Variants in AGAP1 observed in about 807,000 individuals in gnomAD.
AGAP1 encodes the protein ArfGAP with GTPase domain, ankyrin repeat and PH domain 1.
A neutral mutation model predicts 105.3 loss-of-function variants in AGAP1; 29 were observed. The ratio of observed to expected loss-of-function variants is 0.28; its 90% CI spans 0.21 to 0.38. AGAP1 has a LOEUF of 0.38. Among genes scored for constraint, AGAP1 ranks in the 10% least tolerant of loss-of-function variants. AGAP1 has a pLI of 1.00. For missense variants in AGAP1, 998 were observed against 1,165.1 expected (o/e 0.86, Z 2.09); for synonymous variants, 509 against 485.9 (o/e 1.05, Z -0.63).
rs1234752062 is a variant in AGAP1 at position 236,125,925 on chromosome 2, T to C, written c.*1803T>C. The C allele has an allele frequency of 1.3e-5, 2 of 152,128 alleles. No homozygotes were observed. Among genetic ancestry groups the C allele is most frequent in the African/African-American group, 4.8e-5 (2 of 41,366 alleles). 9.4% of individuals were successfully genotyped at this position (152,128 alleles called of 1,614,324 possible). A position where few individuals can be genotyped will look rare whatever the true frequency, so the allele number is the denominator to read the frequency against. On this transcript the variant is annotated 3_prime_UTR_variant, in exon 18 of 18. Coordinates refer to ENST00000304032, the MANE Select transcript of AGAP1 (RefSeq NM_001037131.3). This position sits in a 1 kb window ranked among gnomAD's most constrained non-coding sequence, Gnocchi z 5.2. ...ATGGAAGATGAGGACACTAGACTCATGTAGCACAGAAACATGAAGCCACAC... is the reference window on the plus strand; with the variant it reads ...ATGGAAGATGAGGACACTAGACTCACGTAGCACAGAAACATGAAGCCACAC...
In AGAP1 at chr2:235,665,731, G is replaced by T. The variant is rs939574058; in HGVS notation, c.164-43448G>T. ...GAGGGGCTCTTGGTGGGCTCCCGGG[G>T]TGGGCATGCTCAGGCCTGGGCAGTA... On this transcript the variant is annotated intron_variant, in intron 1 of 17. Transcript: ENST00000304032. The surrounding 1 kb of genome is among the most constrained non-coding windows in gnomAD (Gnocchi z 5.3). Among the ~76,000 whole-genome samples, 5 of 152,122 alleles carry T rather than the reference G, an allele frequency of 3.3e-5. No individual in the cohort carries two copies. Among genetic ancestry groups the T allele is most frequent in the Non-Finnish European group, 7.4e-5 (5 of 68,016 alleles).
At chr2:236,069,383 A>G (rs1358929180) in intron 16 of AGAP1, among the ~76,000 whole-genome samples, 2 of 152,196 alleles carry the variant, frequency 1.3e-5, no homozygotes, top group Non-Finnish European at 2.9e-5. Flanking sequence ...AAGTATATGC[A>G]TTATTTATAC....
rs2059940243 is a variant in AGAP1, at chr2:236,123,136, T to C, written c.2371-783T>C. ...TTGCCCAGGCTGGAGTGCAGTGGTG[T>C]GATGTCGGCCCACGGCAGCCTCTGC... is the stretch of plus-strand genomic sequence containing the variant. On this transcript the variant is annotated intron_variant, in intron 17 of 17. Coordinates refer to ENST00000304032, the MANE Select transcript of AGAP1 (RefSeq NM_001037131.3). The surrounding 1 kb of genome is among the most constrained non-coding windows in gnomAD (Gnocchi z 4.6). Among the ~76,000 whole-genome samples the C allele has an allele frequency of 6.6e-6, 1 of 152,214 alleles. No homozygotes were observed. The highest frequency in any genetic ancestry group is 1.5e-5 in the Non-Finnish European group (1 of 68,010).
chr2:235,697,283 G>A (rs1405141541), intron 1 of AGAP1, among the ~76,000 whole-genome samples: 2 of 152,224 alleles, frequency 1.3e-5, no homozygotes, highest in South Asian at 2.1e-4. Context: ...GTTCCATGTA[G>A]AGCATGGATT....
chr2:235,697,433 T>C (rs1363775922), intron 1 of AGAP1, among the ~76,000 whole-genome samples: 1 of 152,194 alleles, frequency 6.6e-6, no homozygotes, highest in Non-Finnish European at 1.5e-5. Flanking sequence ...CACTTCCCCC[T>C]GCAATCCCCG....
At chr2:235,567,086 C>G (rs1387781952) in intron 1 of AGAP1, among the ~76,000 whole-genome samples, 2 of 152,178 alleles carry the variant, frequency 1.3e-5, no homozygotes, top group Non-Finnish European at 2.9e-5. Flanking sequence ...AAGCTTGAGC[C>G]TGGTTGCGGG....
At chr2:235,840,351 C>T (rs1960669861) in intron 9 of AGAP1, among the ~76,000 whole-genome samples, 2 of 152,234 alleles carry the variant, frequency 1.3e-5, no homozygotes, top group Admixed American at 1.3e-4. Flanking sequence ...AGACATAACA[C>T]GGCGACATTT....
At chr2:235,748,651 A>G (rs1344131741) in intron 5 of AGAP1, among the ~76,000 whole-genome samples, 1 of 152,164 alleles carries the variant, frequency 6.6e-6, no homozygotes, top group Non-Finnish European at 1.5e-5. Context: ...GGGCTAAGAA[A>G]ATAACATGAG....
rs1196259109 is a variant in AGAP1, at chr2:235,994,066, C to T, written c.1645+25443C>T. Among the ~76,000 whole-genome samples the T allele has an allele frequency of 6.6e-6, 1 of 152,130 alleles. No homozygotes were observed. Among genetic ancestry groups the T allele is most frequent in the Non-Finnish European group, 1.5e-5 (1 of 68,018 alleles). On this transcript the variant is annotated intron_variant, in intron 13 of 17. Coordinates refer to ENST00000304032, the MANE Select transcript of AGAP1 (RefSeq NM_001037131.3). This position sits in a 1 kb window ranked among gnomAD's most constrained non-coding sequence, Gnocchi z 4.4. ...TAGCACAGACACCTTCCCCTGGGACCCCCATTGGCTGTGTGTCCCCCAGCT... is the reference window on the plus strand; with the variant it reads ...TAGCACAGACACCTTCCCCTGGGACTCCCATTGGCTGTGTGTCCCCCAGCT...
In AGAP1 at chr2:235,631,683, C is replaced by T. The variant is rs756448927; in HGVS notation, c.164-77496C>T. ...TGTGCTTAGGTGACCTTCGATGGCA[C>T]GGGGGATAGCAGTATCTGCTTCACA... On this transcript the variant is annotated intron_variant, in intron 1 of 17. Coordinates refer to ENST00000304032, the MANE Select transcript of AGAP1 (RefSeq NM_001037131.3). The surrounding 1 kb of genome is among the most constrained non-coding windows in gnomAD (Gnocchi z 5.4). Among the ~76,000 whole-genome samples the T allele has an allele frequency of 1.6e-4, 25 of 152,190 alleles. No individual in the cohort carries two copies. Among genetic ancestry groups the T allele is most frequent in the Non-Finnish European group, 3.1e-4 (21 of 68,036 alleles).
At chr2:235,748,911 G>A (rs1953190078) in intron 5 of AGAP1, among the ~76,000 whole-genome samples, 2 of 152,172 alleles carry the variant, frequency 1.3e-5, no homozygotes, top group Non-Finnish European at 2.9e-5. Context: ...ATTCAGGTTA[G>A]GAAACTGTCT....
At chr2:236,030,613 C>G (rs1324114404) in intron 13 of AGAP1, among the ~76,000 whole-genome samples, 1 of 152,156 alleles carries the variant, frequency 6.6e-6, no homozygotes, top group Admixed American at 6.5e-5. Context: ...ACTTTAGGCT[C>G]ACAATTCTAG....
chr2:235,941,324 C>T (rs929390488), intron 12 of AGAP1, among the ~76,000 whole-genome samples: 3 of 152,206 alleles, frequency 2.0e-5, no homozygotes, highest in Admixed American at 6.5e-5. Flanking sequence ...CATTTCACAA[C>T]AATTTAATTT....
chr2:235,499,854 A>T (rs1170325890), intron 1 of AGAP1, among the ~76,000 whole-genome samples: 1 of 152,084 alleles, frequency 6.6e-6, no homozygotes, highest in Non-Finnish European at 1.5e-5. Flanking sequence ...CAGTGGTTTG[A>T]TAGATCACGT....
chr2:235,692,822 G>A lies in AGAP1; in HGVS notation c.164-16357G>A, dbSNP rs1360097994. Among the ~76,000 whole-genome samples, 3 of 152,166 alleles carry A rather than the reference G, an allele frequency of 2.0e-5. No individual in the cohort carries two copies. Among genetic ancestry groups the A allele is most frequent in the East Asian group, 1.9e-4 (1 of 5,180 alleles). ...GGCTGCTCTGCTGATTCTCGAAGGCGGAGTCAGGGTGTGCTTGGTGTGCGT... is the reference window on the plus strand; with the variant it reads ...GGCTGCTCTGCTGATTCTCGAAGGCAGAGTCAGGGTGTGCTTGGTGTGCGT... On this transcript the variant is annotated intron_variant, in intron 1 of 17. Coordinates refer to ENST00000304032, the MANE Select transcript of AGAP1 (RefSeq NM_001037131.3). This position sits in a 1 kb window ranked among gnomAD's most constrained non-coding sequence, Gnocchi z 5.8.
rs2056210549 is a variant in AGAP1, at chr2:236,003,569, C to T, written c.1646-32992C>T. 2.0e-5 allele frequency among the ~76,000 whole-genome samples: 3 copies of T among 152,224 alleles called. 1 individual carries two copies. In the South Asian group the frequency reaches 6.2e-4, roughly 32 times the overall value. ...CCGCAGCCCCCCTGCGCTGCTGCTG[C>T]CCGCATGGGGTACCCTTAAGTCCCA... On this transcript the variant is annotated intron_variant, in intron 13 of 17. Transcript: ENST00000304032. The surrounding 1 kb of genome is among the most constrained non-coding windows in gnomAD (Gnocchi z 4.2).
chr2:236,065,719 T>A (rs893101682), intron 16 of AGAP1, among the ~76,000 whole-genome samples: 3 of 152,354 alleles, frequency 2.0e-5, no homozygotes, highest in South Asian at 4.1e-4. Flanking sequence ...AAAATGGGGC[T>A]CTTCTGACAG....
At position 236,101,415 on chromosome 2, in the gene AGAP1, A is replaced by T. The variant is rs1201912836; in HGVS notation, c.2115-18777A>T. 6.6e-6 allele frequency among the ~76,000 whole-genome samples: 1 copy of T among 152,150 alleles called. No homozygotes were observed. The highest frequency in any genetic ancestry group is 1.9e-4 in the East Asian group (1 of 5,190). ...TTTTCTGAATGTGTCGCCGTGTCAT[A>T]GCCTGCGACCTTCTCTTTCTCAGGT... On this transcript the variant is annotated intron_variant, in intron 16 of 17. Transcript: ENST00000304032. This position sits in a 1 kb window ranked among gnomAD's most constrained non-coding sequence, Gnocchi z 4.9.
In AGAP1 at chr2:235,777,045, C is replaced by T. The variant is rs1209013861; in HGVS notation, c.674-20714C>T. 2.1e-6 allele frequency: 1 copy of T among 471,042 alleles called. No individual in the cohort carries two copies. Among genetic ancestry groups the T allele is most frequent in the East Asian group, 6.9e-5 (1 of 14,406 alleles). 29.2% of individuals were successfully genotyped at this position (471,042 alleles called of 1,614,324 possible). A position where few individuals can be genotyped will look rare whatever the true frequency, so the allele number is the denominator to read the frequency against. ...TCTTGAGAGGCCAGGCTGGATCCTGCAGAGAAACGAGGAAGTATTAGACAG... is the reference window on the plus strand; with the variant it reads ...TCTTGAGAGGCCAGGCTGGATCCTGTAGAGAAACGAGGAAGTATTAGACAG... On this transcript the variant is annotated intron_variant, in intron 6 of 17. Coordinates refer to ENST00000304032, the MANE Select transcript of AGAP1 (RefSeq NM_001037131.3). This position sits in a 1 kb window ranked among gnomAD's most constrained non-coding sequence, Gnocchi z 5.1.
Sources: gnomAD v4.1 joint callset for allele counts (sites outside exome capture counted in the v4.1 genomes callset) on GRCh38, gnomAD v4.1.1 for gene constraint, Gnocchi (gnomAD v3.1) non-coding constraint, MANE v1.5 for transcripts, NCBI Gene and HGNC (gene_info 2026-07-23, HGNC 2026-07-21) for gene names.